The following CCDC178 variants were observed in gnomAD, a reference collection of about 807,000 sequenced individuals.
CCDC178 encodes coiled-coil domain containing 178.
Under a neutral mutation model 117.4 loss-of-function variants are expected in CCDC178, and 126 were observed. The ratio of observed to expected loss-of-function variants is 1.07; its 90% confidence interval spans 0.93 to 1.24. The LOEUF (loss-of-function observed/expected upper bound fraction) is 1.24. CCDC178 is among the 50% of genes most tolerant of loss of function. The pLI is 0.00. For synonymous variants in CCDC178, 283 were observed against 313.4 expected (o/e 0.90, Z 1.02); for missense variants, 1,030 against 986.9 (o/e 1.04, Z -0.59).
At chr18:33,101,356 T>C (rs1290972919) in intron 20 of CCDC178, among the ~76,000 whole-genome samples, 1 of 151,868 alleles carries the variant, frequency 6.6e-6, no homozygotes, top group East Asian at 1.9e-4. Context: ...TTCCTCTTCA[T>C]GTGTACCTCC....
chr18:33,101,882 C>T (rs952215655), intron 20 of CCDC178, among the ~76,000 whole-genome samples: 1 of 151,774 alleles, frequency 6.6e-6, no homozygotes, highest in Non-Finnish European at 1.5e-5. Flanking sequence ...TAACCTGATG[C>T]CACTTTACAT....
At chr18:33,335,618 G>C (rs1254419506) in intron 9 of CCDC178, among the ~76,000 whole-genome samples, 1 of 151,892 alleles carries the variant, frequency 6.6e-6, no homozygotes, top group Non-Finnish European at 1.5e-5. Context: ...ACTTCTCTCT[G>C]AGTCTAATAA....
intron 21 of CCDC178, among the ~76,000 whole-genome samples, chr18:32,989,488 G>C (rs2055342482): frequency 6.6e-6 from 1 of 152,104 alleles, no homozygotes; most frequent in African/African-American, 2.4e-5. Flanking sequence ...GAAAGAGCTA[G>C]ATACTAAATA....
At chr18:32,983,277 G>T in intron 21 of CCDC178, 2 of 1,505,690 alleles carry the variant, frequency 1.3e-6, no homozygotes, top group Non-Finnish European at 1.8e-6. Flanking sequence ...TTCATCACAG[G>T]TACCTGAAAA....
chr18:33,311,791 C>G (rs1369125079), intron 11 of CCDC178, among the ~76,000 whole-genome samples: 3 of 152,154 alleles, frequency 2.0e-5, no homozygotes, highest in South Asian at 4.1e-4. Context: ...ACAACTTTTA[C>G]TGGATGTAGG....
At position 32,992,827 on chromosome 18, in the gene CCDC178, A is replaced by T. The variant is rs574504360; in HGVS notation, c.2389-18146T>A. Among the ~76,000 whole-genome samples, 4 of 152,292 alleles carry T rather than the reference A, an allele frequency of 2.6e-5. No individual in the cohort carries two copies. In the East Asian group the frequency reaches 7.7e-4, roughly 29 times the overall value. ...ACCTAAAAAATATAATTAAAAACGT[A>T]AATTAGATGGACCAAGATAATATTA... On this transcript the variant is annotated intron_variant, in intron 21 of 22. Transcript: ENST00000383096.
intron 22 of CCDC178, among the ~76,000 whole-genome samples, chr18:32,957,334 G>C (rs1402159123): frequency 6.6e-6 from 1 of 152,170 alleles, no homozygotes; most frequent in East Asian, 1.9e-4. Context: ...TTTGCTCACT[G>C]CATTGCAGAT....
At chr18:33,276,771 C>T (rs2059956233) in intron 12 of CCDC178, among the ~76,000 whole-genome samples, 1 of 151,952 alleles carries the variant, frequency 6.6e-6, no homozygotes, top group African/African-American at 2.4e-5. Flanking sequence ...ATATAATGGT[C>T]AAGTAAGATT....
chr18:33,421,034 G>C (rs535473696), intron 2 of CCDC178, among the ~76,000 whole-genome samples: 8 of 152,236 alleles, frequency 5.3e-5, no homozygotes, highest in African/African-American at 1.9e-4. Flanking sequence ...AAGTGGGAGG[G>C]AGTCTATTTT....
At chr18:32,992,681 G>T (rs1325066640) in intron 21 of CCDC178, among the ~76,000 whole-genome samples, 1 of 152,146 alleles carries the variant, frequency 6.6e-6, no homozygotes, top group African/African-American at 2.4e-5. Flanking sequence ...GCAAAAAAGT[G>T]ATAAGTTGGT....
intron 20 of CCDC178, among the ~76,000 whole-genome samples, chr18:33,127,438 G>T (rs904346342): frequency 2.2e-4 from 33 of 151,906 alleles, no homozygotes; most frequent in Admixed American, 9.8e-4. Flanking sequence ...CAGTTTTTTT[G>T]TTTGTTTGTT....
rs117157811 is a variant in CCDC178, at chr18:33,412,915, C to G, written c.-22-805G>C. ...CGTTCTCCCTGTACTTTTTTTCTCC[C>G]TGTACTTTACCTAAGTAAATATCAA... On this transcript the variant is annotated intron_variant, in intron 2 of 22. Transcript: ENST00000383096. 2.0e-5 allele frequency among the ~76,000 whole-genome samples: 3 copies of G among 152,138 alleles called. No individual in the cohort carries two copies. The East Asian group carries it at 5.8e-4, about 29-fold the overall frequency.
At position 33,062,116 on chromosome 18, in the gene CCDC178, A is replaced by T. The variant is rs995138889; in HGVS notation, c.2388+30645T>A. Among the ~76,000 whole-genome samples the T allele has an allele frequency of 3.9e-5, 6 of 152,162 alleles. No individual in the cohort carries two copies. The East Asian group carries it at 9.6e-4, about 24-fold the overall frequency. ...AGAGGTAAAGAAATATTTTTTTTAAAGGTCTACTAACAGGTACTTTGTGTG... is the reference window on the plus strand; with the variant it reads ...AGAGGTAAAGAAATATTTTTTTTAATGGTCTACTAACAGGTACTTTGTGTG... On this transcript the variant is annotated intron_variant, in intron 21 of 22. Transcript: ENST00000383096.
At chr18:33,219,621 T>C (rs1275514605) in intron 18 of CCDC178, among the ~76,000 whole-genome samples, 2 of 152,130 alleles carry the variant, frequency 1.3e-5, no homozygotes, top group African/African-American at 4.8e-5. Context: ...TCATGTCCTT[T>C]GTAGGGACAT....
intron 21 of CCDC178, among the ~76,000 whole-genome samples, chr18:33,070,873 T>G (rs1352010751): frequency 6.6e-6 from 1 of 152,116 alleles, no homozygotes; most frequent in African/African-American, 2.4e-5. Context: ...AAATTTAAAT[T>G]AATTTGATTA....
intron 9 of CCDC178, among the ~76,000 whole-genome samples, chr18:33,343,080 T>C (rs2062837227): frequency 6.6e-6 from 1 of 152,152 alleles, no homozygotes; most frequent in Non-Finnish European, 1.5e-5. Flanking sequence ...CTACATACTA[T>C]TCAAATTCAT....
Position 33,288,993 on chromosome 18 carries a change from C to T in CCDC178, c.1176+4166G>A, listed in dbSNP as rs200406607. On this transcript the variant is annotated intron_variant, in intron 12 of 22. Transcript: ENST00000383096. Reference sequence around the variant, plus strand: ...GGCAAATGTAGAGAAACTCATACTACTATCTATTTAAGATCAGGTTCTTCC... The same window carrying T: ...GGCAAATGTAGAGAAACTCATACTATTATCTATTTAAGATCAGGTTCTTCC... Among the ~76,000 whole-genome samples the T allele has an allele frequency of 2.0e-5, 3 of 152,140 alleles. No individual in the cohort carries two copies. The East Asian group carries it at 5.8e-4, about 29-fold the overall frequency.
intron 21 of CCDC178, among the ~76,000 whole-genome samples, chr18:33,077,871 T>C (rs533992062): frequency 4.0e-4 from 61 of 152,258 alleles, no homozygotes; most frequent in Middle Eastern, 3.4e-3. Context: ...GCTGGTATCA[T>C]ACCTACTGAA....
chr18:33,411,336 T>C (rs2063850233), intron 3 of CCDC178, among the ~76,000 whole-genome samples: 1 of 152,178 alleles, frequency 6.6e-6, no homozygotes, highest in Admixed American at 6.5e-5. Context: ...GCAGTCTCTG[T>C]TGCATATTCC....
Sources: gnomAD v4.1 joint callset for allele counts (sites outside exome capture counted in the v4.1 genomes callset) on GRCh38, gnomAD v4.1.1 for gene constraint, MANE v1.5 for transcripts, NCBI Gene and HGNC (gene_info 2026-07-23, HGNC 2026-07-21) for gene names.